PLB1: variants seen among roughly 807,000 people sequenced by gnomAD.
The protein encoded by PLB1 is phospholipase B1, membrane-associated.
PLB1 carries 242 observed loss-of-function variants against 227.4 expected under a neutral mutation model. That is an observed-to-expected ratio of 1.06 (90% CI 0.96 to 1.18). The LOEUF is 1.18. Among genes scored for constraint, PLB1 ranks in the 50% most tolerant of loss-of-function variants. PLB1 has a pLI of 0.00. For missense variants in PLB1, 1,858 were observed against 1,816.3 expected, an observed-to-expected ratio of 1.02 and a Z score of -0.42; for synonymous variants, 757 against 682.2, an observed-to-expected ratio of 1.11 and a Z score of -1.71.
At chr2:28,524,813 A>G (rs1420556272) in intron 4 of PLB1, among the ~76,000 whole-genome samples, 2 of 145,730 alleles carry the variant, frequency 1.4e-5, no homozygotes, top group Non-Finnish European at 3.0e-5. Flanking sequence ...AGGAGCCTTC[A>G]TCTTTCTCTG....
intron 35 of PLB1, 74 bp from the exon 36 acceptor site, chr2:28,600,735 T>C (rs1423125062): frequency 2.1e-6 from 3 of 1,437,932 alleles, no homozygotes; most frequent in East Asian, 2.3e-5. Context: ...TAGAAGCCTC[T>C]GGTTCAGGCC....
In PLB1 at chr2:28,642,964, G is replaced by A. The variant is rs764829094; in HGVS notation, c.4280G>A (p.Gly1427Asp). The A allele has an allele frequency of 1.9e-6, 3 of 1,609,816 alleles. No homozygotes were observed. Among genetic ancestry groups the A allele is most frequent in the Non-Finnish European group, 2.5e-6 (3 of 1,178,398 alleles). The change falls in exon 58 of 58, where the codon GGC becomes GAC. Residue 1427 changes from glycine (G) to aspartate (D), a missense_variant. Physicochemically the swap from Gly to Asp is moderately conservative, Grantham distance 94. Transcript: ENST00000327757. ...GCTGTCCCAGTGGCAGCGGGAGTCG[G>A]CCTTGTGGTGGGCATCATCGGGACA... ...YWAVPVAAGV[G>D]LVVGIIGTVV...
intron 26 of PLB1, among the ~76,000 whole-genome samples, chr2:28,586,076 G>A (rs755913370): frequency 4.6e-5 from 7 of 152,180 alleles, no homozygotes; most frequent in Non-Finnish European, 5.9e-5. Flanking sequence ...GTTCCTGGTC[G>A]TTAAATGAAA....
intron 2 of PLB1, among the ~76,000 whole-genome samples, chr2:28,517,347 C>T (rs1572698767): frequency 6.6e-6 from 1 of 150,936 alleles, no homozygotes; most frequent in East Asian, 2.0e-4. Context: ...CCCCCGCTTC[C>T]ACTCTCAATT....
chr2:28,634,956 T>C (rs1689123195), intron 56 of PLB1, among the ~76,000 whole-genome samples: 1 of 152,120 alleles, frequency 6.6e-6, no homozygotes, highest in African/African-American at 2.4e-5. Flanking sequence ...TGGCCTTCTC[T>C]TCTAAAGCAG....
intron 17 of PLB1, among the ~76,000 whole-genome samples, chr2:28,560,939 A>G (rs542232288): frequency 2.0e-5 from 3 of 152,068 alleles, no homozygotes; most frequent in South Asian, 4.2e-4. Context: ...TCCAAGCTCG[A>G]CCCTACCACA....
Position 28,620,974 on chromosome 2 carries a change from G to C in PLB1, c.3523G>C (p.Ala1175Pro). 2 of 1,610,594 alleles carry C rather than the reference G, an allele frequency of 1.2e-6. No homozygotes were observed. The highest frequency in any genetic ancestry group is 2.2e-5 in the South Asian group (2 of 90,742). ...AAATGTGGCAGCGGAAGGGGCCAGA[G>C]CTAGGTGAGTAGATGCCGTACAGGA... is the stretch of plus-strand genomic sequence containing the variant. Reference protein sequence around the residue: ...GLNVAAEGARARDMPAQAWDL... With the variant: ...GLNVAAEGARPRDMPAQAWDL... Residue 1175 changes from alanine (A) to proline (P), a missense_variant, in exon 49 of 58, where the codon GCT (alanine) becomes CCT (proline). Transcript: ENST00000327757.
intron 10 of PLB1, among the ~76,000 whole-genome samples, chr2:28,538,763 C>G (rs769571270): frequency 6.6e-6 from 1 of 152,266 alleles, no homozygotes; most frequent in African/African-American, 2.4e-5. Context: ...GTTGCTGTGG[C>G]CCTGCCTTCC....
chr2:28,552,234 G>A (rs527281208), intron 16 of PLB1, among the ~76,000 whole-genome samples: 83 of 152,246 alleles, frequency 5.5e-4, no homozygotes, highest in Non-Finnish European at 9.8e-4. Flanking sequence ...AGTCTTGAAG[G>A]GTGACTAAGG....
chr2:28,619,551 C>A (rs1686718456), intron 46 of PLB1, among the ~76,000 whole-genome samples: 1 of 137,900 alleles, frequency 7.3e-6, no homozygotes, highest in South Asian at 2.2e-4. Flanking sequence ...TAAGACAGGG[C>A]ATTTAGAGAA....
At chr2:28,613,955 A>C in intron 43 of PLB1, 76 bp from the exon 44 acceptor site, 1 of 1,143,018 alleles carries the variant, frequency 8.7e-7, no homozygotes, top group Non-Finnish European at 1.3e-6. Flanking sequence ...ACAGGGCAGG[A>C]TTGTTAGTTT....
chr2:28,524,469 A>C (rs527382797), intron 4 of PLB1, among the ~76,000 whole-genome samples: 2 of 152,280 alleles, frequency 1.3e-5, no homozygotes, highest in South Asian at 4.1e-4. Flanking sequence ...GGGAAATCGG[A>C]AACTTACCTT....
At chr2:28,524,167 G>T (rs1481763456) in intron 4 of PLB1, among the ~76,000 whole-genome samples, 1 of 152,210 alleles carries the variant, frequency 6.6e-6, no homozygotes, top group Non-Finnish European at 1.5e-5. Flanking sequence ...AAGTGGTGCA[G>T]GCTGGAGTAG....
intron 14 of PLB1, 186 bp from the exon 15 acceptor site, chr2:28,548,674 C>A (rs980032224): frequency 1.5e-6 from 1 of 654,608 alleles, no homozygotes; most frequent in East Asian, 2.8e-5. Context: ...GAGCTGCTTA[C>A]AACACAGACT....
chr2:28,516,777 A>C (rs1251361318), intron 1 of PLB1, 31 bp from the exon 2 acceptor site: 7 of 1,598,046 alleles, frequency 4.4e-6, no homozygotes, highest in Non-Finnish European at 5.1e-6. Flanking sequence ...ATTCCAGCTA[A>C]ATAACTTGAA....
At chr2:28,552,716 A>G (rs1674441120) in intron 16 of PLB1, among the ~76,000 whole-genome samples, 1 of 152,230 alleles carries the variant, frequency 6.6e-6, no homozygotes. Flanking sequence ...AGGTGGAGGC[A>G]GAGGCACTGG....
chr2:28,501,553 T>G (rs1463443916), intron 1 of PLB1, among the ~76,000 whole-genome samples: 1 of 152,188 alleles, frequency 6.6e-6, no homozygotes, highest in Admixed American at 6.5e-5. Flanking sequence ...TTAACATTGT[T>G]CAAAAGTCGA....
chr2:28,498,276 G>A (rs1666710059), intron 1 of PLB1, among the ~76,000 whole-genome samples: 1 of 151,228 alleles, frequency 6.6e-6, no homozygotes, highest in South Asian at 2.1e-4. Flanking sequence ...TAGGCTGGAG[G>A]GCAGTGGTGC....
intron 44 of PLB1, among the ~76,000 whole-genome samples, chr2:28,615,829 G>A (rs757523966): frequency 3.6e-4 from 55 of 152,184 alleles, no homozygotes; most frequent in Non-Finnish European, 6.0e-4. Context: ...TTTGCTGCTG[G>A]AAGAGCTAAA....
Sources: gnomAD v4.1 joint callset for allele counts (sites outside exome capture counted in the v4.1 genomes callset) on GRCh38, gnomAD v4.1.1 for gene constraint, MANE v1.5 for transcripts, NCBI Gene and HGNC (gene_info 2026-07-23, HGNC 2026-07-21) for gene names.